The following TMEM184B variants were observed in gnomAD, a reference collection of about 807,000 sequenced individuals.
TMEM184B encodes the protein putative MAPK-activating protein FM08.
A neutral mutation model predicts 41.8 loss-of-function variants in TMEM184B; 17 were observed. That is an observed-to-expected ratio of 0.41 (90% CI 0.28 to 0.61). The LOEUF (loss-of-function observed/expected upper bound fraction) is 0.61. Ranked by LOEUF, TMEM184B falls within the 20% of genes least tolerant of loss-of-function variation. The pLI is 0.34. For missense variants in TMEM184B, 393 were observed against 557.8 expected, an observed-to-expected ratio of 0.70 and a Z score of 2.98; for synonymous variants, 240 against 229.5, an observed-to-expected ratio of 1.05 and a Z score of -0.41.
intron 1 of TMEM184B, among the ~76,000 whole-genome samples, chr22:38,249,799 C>G (rs1263985951): frequency 2.0e-5 from 3 of 152,228 alleles, no homozygotes; most frequent in African/African-American, 7.2e-5. Flanking sequence ...GATGGGGCGG[C>G]CCTTTCAGTA....
intron 3 of TMEM184B, chr22:38,231,702 A>G: frequency 2.5e-6 from 1 of 407,796 alleles, no homozygotes; most frequent in Non-Finnish European, 4.6e-6. Context: ...GCGAAACAGT[A>G]TTGCCTTTAT....
At chr22:38,246,874 C>T (rs1198793874) in intron 2 of TMEM184B, 2 of 1,302,798 alleles carry the variant, frequency 1.5e-6, no homozygotes, top group East Asian at 1.1e-4. Context: ...CTTGGCCCAG[C>T]CGAGCCCTGG....
At chr22:38,231,881 G>C in intron 3 of TMEM184B, 1 of 212,828 alleles carries the variant, frequency 4.7e-6, no homozygotes, top group Admixed American at 5.2e-5. Context: ...TCACCAGGTT[G>C]CCGAAGGAGG....
Position 38,230,958 on chromosome 22 carries a change from G to A in TMEM184B, c.450-214C>T, listed in dbSNP as rs557852113. On this transcript the variant is annotated intron_variant, in intron 4 of 8. Coordinates refer to ENST00000361906, the MANE Select transcript of TMEM184B (RefSeq NM_012264.5). Reference sequence around the variant, plus strand: ...GACACAGGGCTGCACTGGCCCTGGGGTGACAAACCAACTTGGAGAGCTCTG... The same window carrying A: ...GACACAGGGCTGCACTGGCCCTGGGATGACAAACCAACTTGGAGAGCTCTG... Among the ~76,000 whole-genome samples, 4 of 152,332 alleles carry A rather than the reference G, an allele frequency of 2.6e-5. No homozygotes were observed. The South Asian group carries it at 8.3e-4, about 32-fold the overall frequency.
intron 1 of TMEM184B, among the ~76,000 whole-genome samples, chr22:38,265,290 C>G (rs564130289): frequency 6.6e-6 from 1 of 152,176 alleles, no homozygotes; most frequent in African/African-American, 2.4e-5. Context: ...CAGAGAGCAC[C>G]GGCTCCTCAG....
At chr22:38,245,715 G>A (rs1043258070) in intron 3 of TMEM184B, among the ~76,000 whole-genome samples, 1 of 152,078 alleles carries the variant, frequency 6.6e-6, no homozygotes, top group South Asian at 2.1e-4. Context: ...TGAGAAGCGA[G>A]ACCCAGGTGG....
downstream of TMEM184B, among the ~76,000 whole-genome samples, chr22:38,218,019 C>G (rs1431075285): frequency 1.3e-5 from 2 of 152,124 alleles, no homozygotes; most frequent in Admixed American, 6.5e-5. Flanking sequence ...CTTTAGTGAA[C>G]AGACAGTCCC....
intron 1 of TMEM184B, among the ~76,000 whole-genome samples, chr22:38,264,020 G>T (rs1320720776): frequency 6.6e-6 from 1 of 152,176 alleles, no homozygotes; most frequent in East Asian, 1.9e-4. Context: ...GGCCAGGCTG[G>T]TCTCGACCTC....
rs1453024835 is a variant in TMEM184B, at chr22:38,219,829, CT to C, written c.*1639del. The C allele has an allele frequency of 1.7e-5, 17 of 985,348 alleles. No homozygotes were observed. In the African/African-American group the frequency reaches 2.8e-4, roughly 16 times the overall value. 61.0% of individuals were successfully genotyped at this position (985,348 alleles called of 1,614,324 possible). ...TGTCTGCACCCACCCTCCCGGGCAG[CT>C]TGGGCCCAACTGCTCCGCCCCCCCA... On this transcript the variant is annotated 3_prime_UTR_variant, in exon 9 of 9. Coordinates refer to ENST00000361906, the MANE Select transcript of TMEM184B (RefSeq NM_012264.5).
At chr22:38,271,553 T>C (rs1448851485) in intron 1 of TMEM184B, among the ~76,000 whole-genome samples, 1 of 152,232 alleles carries the variant, frequency 6.6e-6, no homozygotes, top group East Asian at 1.9e-4. Flanking sequence ...CGTCTCCTTA[T>C]GAGGGAGTCT....
At chr22:38,241,853 C>T (rs1282853702) in intron 3 of TMEM184B, among the ~76,000 whole-genome samples, 6 of 127,352 alleles carry the variant, frequency 4.7e-5, no homozygotes, top group African/African-American at 1.2e-4. Flanking sequence ...CACTGCACTC[C>T]GGCCTGGGTG....
chr22:38,268,533 C>G (rs4821777), intron 1 of TMEM184B, among the ~76,000 whole-genome samples: 75,429 of 151,758 alleles, frequency 0.5, 19,969 homozygotes, highest in African/African-American at 0.69. Flanking sequence ...TCTCTGTGGC[C>G]GCCTCCCACT....
At chr22:38,253,365 T>C (rs912692619) in intron 1 of TMEM184B, among the ~76,000 whole-genome samples, 16 of 151,724 alleles carry the variant, frequency 1.1e-4, no homozygotes, top group Admixed American at 3.9e-4. Flanking sequence ...AGGCTAGGAG[T>C]TCGAGACCAG....
chr22:38,242,383 CAGG>C (rs1346107844), intron 3 of TMEM184B, among the ~76,000 whole-genome samples: 1 of 151,700 alleles, frequency 6.6e-6, no homozygotes, highest in Non-Finnish European at 1.5e-5. Context: ...GAGGCTGAGG[CAGG>C]AGAATTGCTT....
At chr22:38,258,471 TG>T in intron 1 of TMEM184B, among the ~76,000 whole-genome samples, 1 of 152,056 alleles carries the variant, frequency 6.6e-6, no homozygotes, top group East Asian at 1.9e-4. Context: ...GGCTAATTTT[TG>T]TATTTTTAGT....
Position 38,246,076 on chromosome 22 carries a change from T to A in TMEM184B, c.217A>T (p.Ser73Cys). The A allele has an allele frequency of 6.2e-7, 1 of 1,612,106 alleles. No individual in the cohort carries two copies. Among genetic ancestry groups the A allele is most frequent in the South Asian group, 1.1e-5 (1 of 91,072 alleles). The part of the protein sequence containing the change: ...HQIYMHLRCY[S>C]CPNEQRYIVR... ...ATGTAGCGCTGCTCGTTGGGGCAGC[T>A]GTAGCAGCGCAGGTGCATGTAGATC... is the stretch of plus-strand genomic sequence containing the variant. Residue 73 changes from serine to cysteine, a missense_variant, in exon 3 of 9, where the codon AGC becomes TGC. Physicochemically the swap from Ser to Cys is moderately radical, Grantham distance 112. Coordinates refer to ENST00000361906, the MANE Select transcript of TMEM184B (RefSeq NM_012264.5).
chr22:38,235,563 T>C (rs1211068381), intron 3 of TMEM184B, among the ~76,000 whole-genome samples: 2 of 152,200 alleles, frequency 1.3e-5, no homozygotes, highest in African/African-American at 2.4e-5. Context: ...AGCCAGTCTG[T>C]AAAGTACCAA....
Position 38,220,652 on chromosome 22 carries a change from C to T in TMEM184B, c.*817G>A. ...GGAAGGAGGGCTGGGAGCCCCTGAG[C>T]CCTGAAGCAGCCAGGAAGCAAGGGC... On this transcript the variant is annotated 3_prime_UTR_variant, in exon 9 of 9. Coordinates refer to ENST00000361906, the MANE Select transcript of TMEM184B (RefSeq NM_012264.5). 1.0e-6 allele frequency: 1 copy of T among 986,186 alleles called. No homozygotes were observed. Among genetic ancestry groups the T allele is most frequent in the Non-Finnish European group, 1.2e-6 (1 of 830,168 alleles). 61.1% of individuals were successfully genotyped at this position (986,186 alleles called of 1,614,324 possible).
chr22:38,259,683 A>T (rs2092340053), intron 1 of TMEM184B, among the ~76,000 whole-genome samples: 1 of 152,240 alleles, frequency 6.6e-6, no homozygotes, highest in Non-Finnish European at 1.5e-5. Flanking sequence ...AGTCCAGTGA[A>T]ACACATTCTG....
Sources: gnomAD v4.1 joint callset for allele counts (sites outside exome capture counted in the v4.1 genomes callset) on GRCh38, gnomAD v4.1.1 for gene constraint, MANE v1.5 for transcripts, NCBI Gene and HGNC (gene_info 2026-07-23, HGNC 2026-07-21) for gene names.